RALGPS2: variants seen among roughly 807,000 people sequenced by gnomAD.
The protein encoded by RALGPS2 is Ral GEF with PH domain and SH3 binding motif 2, also known as ras-specific guanine nucleotide-releasing factor RalGPS2.
RALGPS2 carries 43 observed loss-of-function variants against 86.8 expected under a neutral mutation model. The observed-to-expected ratio is 0.50, with a 90% CI of 0.39 to 0.64. The LOEUF is 0.64. Ranked by LOEUF, RALGPS2 falls within the 30% of genes least tolerant of loss-of-function variation. The pLI is 0.00. For synonymous variants in RALGPS2, 243 were observed against 231.3 expected (o/e 1.05, Z -0.46); for missense variants, 536 against 694.6 (o/e 0.77, Z 2.57).
At chr1:178,865,116 G>T in intron 8 of RALGPS2, 1 of 1,579,996 alleles carries the variant, frequency 6.3e-7, no homozygotes, top group Non-Finnish European at 8.6e-7. Flanking sequence ...GGAATATGTT[G>T]TGGCACCACC....
chr1:178,791,433 A>T (rs1345065647), intron 4 of RALGPS2, among the ~76,000 whole-genome samples: 1 of 152,002 alleles, frequency 6.6e-6, no homozygotes, highest in Non-Finnish European at 1.5e-5. Flanking sequence ...GCTGAAAACT[A>T]TTTAAATCAA....
intron 1 of RALGPS2, among the ~76,000 whole-genome samples, chr1:178,731,230 T>A (rs974165438): frequency 6.7e-6 from 1 of 149,880 alleles, no homozygotes; most frequent in Middle Eastern, 3.2e-3. Context: ...GTAAAAATCA[T>A]CTTCAAATTT....
chr1:178,725,593 G>GGGCTGA lies in RALGPS2; in HGVS notation c.-84+183_-84+188dup, dbSNP rs60918219. The GGGCTGA allele has an allele frequency of 3.9e-5, 6 of 152,084 alleles. No homozygotes were observed. The East Asian group carries it at 9.9e-4, about 25-fold the overall frequency. 9.4% of individuals were successfully genotyped at this position (152,084 alleles called of 1,614,324 possible). On this transcript the variant is annotated intron_variant, in intron 1 of 19. Coordinates refer to ENST00000367635, the MANE Select transcript of RALGPS2 (RefSeq NM_152663.5). ...GCGCAGGGAGGGGGCTGCGGAGCTGGGGCTGAGGCTGAGGGAGAAGGGCGC... is the reference window on the plus strand; with the variant it reads ...GCGCAGGGAGGGGGCTGCGGAGCTGGGGCTGAGGCTGAGGCTGAGGGAGAAGGGCGC...
chr1:178,785,725 G>A (rs1324786280), intron 4 of RALGPS2, 118 bp downstream of exon 4: 5 of 1,310,780 alleles, frequency 3.8e-6, no homozygotes, highest in South Asian at 1.7e-5. Context: ...AGCTTGTGTT[G>A]TAACTTATCT....
chr1:178,855,974 AAAGT>A (rs954378766), intron 8 of RALGPS2, among the ~76,000 whole-genome samples: 162 of 148,804 alleles, frequency 1.1e-3, no homozygotes, highest in African/African-American at 3.6e-3. Context: ...TAAGAACAAA[AAAGT>A]AATATATATA....
intron 7 of RALGPS2, 61 bp from the exon 8 acceptor site, chr1:178,833,363 G>C: frequency 7.2e-7 from 1 of 1,393,162 alleles, no homozygotes; most frequent in Non-Finnish European, 9.3e-7. Context: ...CTTCAGTTCA[G>C]GTCTTTGCTA....
chr1:178,747,625 A>C, intron 1 of RALGPS2: 1 of 1,566,808 alleles, frequency 6.4e-7, no homozygotes, highest in Non-Finnish European at 8.8e-7. Context: ...TTCTATGTCA[A>C]CTAAGCTGGC....
At chr1:178,811,491 G>T (rs1047778396) in intron 6 of RALGPS2, 87 bp downstream of exon 6, 4 of 956,048 alleles carry the variant, frequency 4.2e-6, no homozygotes, top group Non-Finnish European at 6.2e-6. Flanking sequence ...TTTATTCACT[G>T]TTTATTGATA....
At position 178,852,607 on chromosome 1, in the gene RALGPS2, G is replaced by A. The variant is rs979717900; in HGVS notation, c.607+19057G>A. On this transcript the variant is annotated intron_variant, in intron 8 of 19. Transcript: ENST00000367635. The stretch of plus-strand genomic sequence containing the variant: ...TGACCTTTTTGAAAAGACTTTAGTA[G>A]CATATATATTAGTAGATTCTATTTA... 5.5e-6 allele frequency: 8 copies of A among 1,459,896 alleles called. No homozygotes were observed. In the African/African-American group the frequency reaches 1.1e-4, roughly 21 times the overall value. The allele number at this position is 1,459,896 out of a possible 1,614,324, so 90.4% of individuals were successfully genotyped here.
intron 17 of RALGPS2, 63 bp from the exon 18 acceptor site, chr1:178,902,043 T>C (rs1483210187): frequency 1.1e-5 from 14 of 1,218,840 alleles, no homozygotes; most frequent in Non-Finnish European, 1.6e-5. Context: ...TCCCTAACAC[T>C]GAAGTTTTGC....
intron 7 of RALGPS2, among the ~76,000 whole-genome samples, chr1:178,826,331 A>T (rs1439313700): frequency 6.6e-6 from 1 of 152,250 alleles, no homozygotes; most frequent in Non-Finnish European, 1.5e-5. Context: ...AATAGACAAA[A>T]TATAGTTTAT....
intron 5 of RALGPS2, among the ~76,000 whole-genome samples, chr1:178,810,337 A>C (rs1425143446): frequency 1.3e-5 from 2 of 152,166 alleles, no homozygotes; most frequent in Non-Finnish European, 2.9e-5. Context: ...CAGTTAGCCG[A>C]GATCACCCCA....
intron 13 of RALGPS2, 23 bp downstream of exon 13, chr1:178,886,143 G>A: frequency 3.8e-6 from 6 of 1,594,594 alleles, no homozygotes; most frequent in South Asian, 1.2e-5. Context: ...TCTCTGAGAG[G>A]GTTGCAATTT....
At chr1:178,743,520 A>G (rs1430314668) in intron 1 of RALGPS2, among the ~76,000 whole-genome samples, 2 of 152,220 alleles carry the variant, frequency 1.3e-5, no homozygotes, top group Admixed American at 1.3e-4. Context: ...TAAACTTTCT[A>G]CTAATTAGAC....
chr1:178,914,213 G>A (rs1004143680), intron 19 of RALGPS2, among the ~76,000 whole-genome samples: 2 of 152,176 alleles, frequency 1.3e-5, no homozygotes, highest in Non-Finnish European at 2.9e-5. Context: ...GTGGGTGGGC[G>A]CCTATGGCCG....
At chr1:178,732,728 CTAAGT>C (rs1307431314) in intron 1 of RALGPS2, among the ~76,000 whole-genome samples, 6 of 149,764 alleles carry the variant, frequency 4.0e-5, no homozygotes, top group African/African-American at 1.2e-4. Context: ...TACTAGTTTT[CTAAGT>C]TTTTTTTTTT....
At chr1:178,785,667 G>T in intron 4 of RALGPS2, 60 bp downstream of exon 4, 1 of 1,505,312 alleles carries the variant, frequency 6.6e-7, no homozygotes, top group African/African-American at 1.4e-5. Flanking sequence ...CAAATTAAGT[G>T]TTTTAGAAAT....
Position 178,906,853 on chromosome 1 carries a change from A to G in RALGPS2, c.1708A>G (p.Ser570Gly). ...TAAGCATTTGAGTGCAGCCTGCCAA[A>G]GTAACAAACAACAGGTAAGCATTTC... ...WFKHLSAACQ[S>G]NKQQVPTNLM... Residue 570 changes from serine (S) to glycine (G), a missense_variant, in exon 19 of 20, where the codon AGT (serine) becomes GGT (glycine). Ser to Gly is a moderately conservative substitution (Grantham distance 56). This residue lies in a region of RALGPS2 where 309 missense variants were observed against 363.0 expected (regional missense o/e 0.85). Transcript: ENST00000367635. 6.2e-7 allele frequency: 1 copy of G among 1,613,372 alleles called. No homozygotes were observed. Among genetic ancestry groups the G allele is most frequent in the Non-Finnish European group, 8.5e-7 (1 of 1,179,612 alleles).
At chr1:178,873,379 CAAGG>C (rs1658856136) in intron 8 of RALGPS2, among the ~76,000 whole-genome samples, 1 of 151,780 alleles carries the variant, frequency 6.6e-6, no homozygotes, top group South Asian at 2.1e-4. Flanking sequence ...TATTACTAAT[CAAGG>C]AAATAAAAAT....
Sources: gnomAD v4.1 joint callset for allele counts (sites outside exome capture counted in the v4.1 genomes callset) on GRCh38, gnomAD v4.1.1 for gene constraint, gnomAD v4.1.1 regional missense constraint, MANE v1.5 for transcripts, NCBI Gene and HGNC (gene_info 2026-07-23, HGNC 2026-07-21) for gene names.